GALNT13: variants seen among roughly 807,000 people sequenced by gnomAD.
GALNT13 encodes UDP-GalNAc:polypeptide N-acetylgalactosaminyltransferase 13.
In GALNT13, 28 loss-of-function variants were observed where a neutral mutation model predicts 64.2. The ratio of observed to expected loss-of-function variants is 0.44; its 90% CI spans 0.32 to 0.60. The LOEUF is 0.60. Ranked by LOEUF, GALNT13 falls within the 20% of genes least tolerant of loss-of-function variation. The pLI is 0.05. For missense variants in GALNT13, 577 were observed against 669.8 expected (o/e 0.86, Z 1.53); for synonymous variants, 214 against 224.6 (o/e 0.95, Z 0.42).
chr2:153,620,919 G>C, the GALNT13 span, among the ~76,000 whole-genome samples: 2 of 151,988 alleles, frequency 1.3e-5, no homozygotes, highest in Admixed American at 6.6e-5. Flanking sequence ...AGACTTTCCA[G>C]ATATTTGAAA....
At chr2:153,596,152 A>G in the GALNT13 span, among the ~76,000 whole-genome samples, 19 of 152,282 alleles carry the variant, frequency 1.2e-4, no homozygotes, top group South Asian at 3.9e-3. Flanking sequence ...TCCATCTCAG[A>G]TTTCATAGGC....
At chr2:153,636,353 A>G in the GALNT13 span, among the ~76,000 whole-genome samples, 3 of 152,172 alleles carry the variant, frequency 2.0e-5, no homozygotes. Context: ...GAATAGGTGC[A>G]GAATCATACT....
chr2:153,560,582 A>G, the GALNT13 span, among the ~76,000 whole-genome samples: 5 of 152,108 alleles, frequency 3.3e-5, no homozygotes, highest in Admixed American at 6.6e-5. Flanking sequence ...ATAATTTATT[A>G]AAGATTTATT....
intron 11 of GALNT13, among the ~76,000 whole-genome samples, chr2:154,417,513 A>ATTTTTTTTTTTTTTTT (rs1387223429): frequency 2.3e-5 from 3 of 130,284 alleles, no homozygotes; most frequent in African/African-American, 6.6e-5. Flanking sequence ...TTATTTATTT[A>ATTTTTTTTTTTTTTTT]TTTATTTATT....
At chr2:154,234,774 C>T (rs1023104227) in intron 4 of GALNT13, among the ~76,000 whole-genome samples, 11 of 152,088 alleles carry the variant, frequency 7.2e-5, no homozygotes, top group African/African-American at 2.7e-4. Flanking sequence ...TTCATCCATT[C>T]AACCCCTTAT....
chr2:154,399,788 C>G (rs981792514), intron 10 of GALNT13, among the ~76,000 whole-genome samples: 49 of 152,110 alleles, frequency 3.2e-4, no homozygotes, highest in African/African-American at 1.1e-3. Flanking sequence ...GACCTTTACT[C>G]TTAAGCCTTT....
the GALNT13 span, among the ~76,000 whole-genome samples, chr2:153,093,156 A>G: frequency 6.6e-6 from 1 of 150,580 alleles, no homozygotes; most frequent in Non-Finnish European, 1.5e-5. Flanking sequence ...TACCACATTG[A>G]TTACATGTGT....
chr2:153,896,161 T>C (rs1357992608), intron 1 of GALNT13, among the ~76,000 whole-genome samples: 3 of 142,770 alleles, frequency 2.1e-5, no homozygotes, highest in African/African-American at 7.4e-5. Flanking sequence ...AAACCACTTA[T>C]ATTGCTAATC....
At chr2:154,114,087 A>G (rs922038153) in intron 3 of GALNT13, among the ~76,000 whole-genome samples, 6 of 152,194 alleles carry the variant, frequency 3.9e-5, no homozygotes, top group African/African-American at 1.4e-4. Context: ...TGTGGTGGGA[A>G]TCACCACTCC....
the GALNT13 span, among the ~76,000 whole-genome samples, chr2:153,260,540 A>C: frequency 6.6e-6 from 1 of 152,090 alleles, no homozygotes; most frequent in Non-Finnish European, 1.5e-5. Context: ...CTGGCCTGTA[A>C]GGTTTTCACT....
chr2:153,821,661 A>T, the GALNT13 span, among the ~76,000 whole-genome samples: 1 of 152,204 alleles, frequency 6.6e-6, no homozygotes, highest in African/African-American at 2.4e-5. Context: ...ATCTAACATT[A>T]TACCTAGAAG....
the GALNT13 span, among the ~76,000 whole-genome samples, chr2:153,161,519 GA>G: frequency 6.6e-6 from 1 of 152,052 alleles, no homozygotes; most frequent in Non-Finnish European, 1.5e-5. Context: ...TGAGGGAGAA[GA>G]AATCTTAAAT....
the GALNT13 span, among the ~76,000 whole-genome samples, chr2:153,697,415 C>A: frequency 1.3e-5 from 2 of 152,144 alleles, no homozygotes; most frequent in Admixed American, 1.3e-4. Context: ...AGTGACATCC[C>A]TTTTTGTTCC....
At chr2:154,138,119 A>G (rs192750395) in intron 3 of GALNT13, among the ~76,000 whole-genome samples, 1 of 152,030 alleles carries the variant, frequency 6.6e-6, no homozygotes, top group African/African-American at 2.4e-5. Context: ...CTAGTTACAA[A>G]CCCACAATTT....
At chr2:153,593,256 C>T in the GALNT13 span, 52 of 152,378 alleles carry the variant, frequency 3.4e-4, no homozygotes, top group African/African-American at 1.1e-3. Flanking sequence ...GTGAGACCAG[C>T]CCTTCGGTTT....
chr2:153,130,528 A>G, the GALNT13 span, among the ~76,000 whole-genome samples: 1 of 151,990 alleles, frequency 6.6e-6, no homozygotes. Flanking sequence ...ACCCATCACA[A>G]TCTGCTTGCC....
the GALNT13 span, among the ~76,000 whole-genome samples, chr2:153,464,586 G>A: frequency 1.1e-3 from 173 of 152,130 alleles, no homozygotes; most frequent in Non-Finnish European, 9.3e-4. Flanking sequence ...CTGAGGACAG[G>A]ACATAAAATT....
At chr2:154,011,113 T>A (rs1044073020) in intron 3 of GALNT13, among the ~76,000 whole-genome samples, 2 of 152,126 alleles carry the variant, frequency 1.3e-5, no homozygotes, top group East Asian at 1.9e-4. Flanking sequence ...TCTGATTTTT[T>A]AAAATTTCTT....
chr2:153,315,401 C>T, the GALNT13 span, among the ~76,000 whole-genome samples: 2 of 152,160 alleles, frequency 1.3e-5, no homozygotes, highest in Non-Finnish European at 2.9e-5. Context: ...ATACTAATCA[C>T]CTCCCAGGAG....
Sources: gnomAD v4.1 joint callset for allele counts (sites outside exome capture counted in the v4.1 genomes callset) on GRCh38, gnomAD v4.1.1 for gene constraint, MANE v1.5 for transcripts, NCBI Gene and HGNC (gene_info 2026-07-23, HGNC 2026-07-21) for gene names.